Variants in EGFL6 observed in about 807,000 individuals in gnomAD.
The protein encoded by EGFL6 is epidermal growth factor-like protein 6.
Under a neutral mutation model 43.1 loss-of-function variants are expected in EGFL6, and 42 were observed. The ratio of observed to expected loss-of-function variants is 0.98; its 90% CI spans 0.76 to 1.26. EGFL6 has a LOEUF of 1.26. EGFL6 is among the 50% of genes most tolerant of loss of function. The pLI is 0.00. For synonymous variants in EGFL6, 164 were observed against 163.2 expected, an observed-to-expected ratio of 1.01 and a Z score of -0.04; for missense variants, 429 against 427.8, an observed-to-expected ratio of 1.00 and a Z score of -0.02.
At chrX:13,582,738 G>C (rs11095616) in intron 1 of EGFL6, among the ~76,000 whole-genome samples, 24,684 of 110,205 alleles carry the variant, frequency 0.22, 2,192 homozygotes, top group East Asian at 0.62. Context: ...ATGTCAAACA[G>C]TATATGAATT....
At chrX:13,586,838 A>G (rs1412939344) in intron 1 of EGFL6, among the ~76,000 whole-genome samples, 1 of 112,608 alleles carries the variant, frequency 8.9e-6, no homozygotes, top group Non-Finnish European at 1.9e-5. Context: ...ATGTCTATCA[A>G]CTGATGAGTG....
chrX:13,570,367 AG>A (rs1375806519), intron 1 of EGFL6, among the ~76,000 whole-genome samples: 1 of 111,321 alleles, frequency 9.0e-6, no homozygotes, highest in African/African-American at 3.3e-5. Context: ...AGTGCTTGTC[AG>A]TCGCTAGTTT....
intron 9 of EGFL6, 49 bp downstream of exon 9, chrX:13,619,292 C>T (rs1470330349): frequency 5.7e-6 from 6 of 1,057,566 alleles, no homozygotes; most frequent in African/African-American, 3.7e-5. Flanking sequence ...TTGTCCTGGT[C>T]GTTTTCATTT....
intron 11 of EGFL6, among the ~76,000 whole-genome samples, chrX:13,629,318 G>A (rs1262356054): frequency 8.9e-6 from 1 of 112,366 alleles, no homozygotes; most frequent in African/African-American, 3.2e-5. Flanking sequence ...CCTCTGCACA[G>A]CATTCATAAT....
chrX:13,613,416 A>C lies in EGFL6; in HGVS notation c.779-4314A>C, dbSNP rs769375026. Among the ~76,000 whole-genome samples the C allele has an allele frequency of 6.3e-5, 7 of 110,420 alleles. No individual in the cohort carries two copies. In the South Asian group the frequency reaches 1.9e-3, roughly 30 times the overall value. On this transcript the variant is annotated intron_variant, in intron 7 of 11. Transcript: ENST00000361306. ...GACAGCAGCTACACCTCATTCTAAG[A>C]AAATCAAAACCCAGATAACACTCAA...
At chrX:13,626,031 C>T (rs1361259013) in intron 10 of EGFL6, among the ~76,000 whole-genome samples, 1 of 111,539 alleles carries the variant, frequency 9.0e-6, no homozygotes, top group Admixed American at 9.5e-5. Context: ...TGACAGAAAG[C>T]GTAGCTGAAA....
At chrX:13,575,985 G>A (rs140791564) in intron 1 of EGFL6, among the ~76,000 whole-genome samples, 1,982 of 112,275 alleles carry the variant, frequency 0.018, 48 homozygotes, top group African/African-American at 0.06. Flanking sequence ...CATTTTATGG[G>A]TCCATCAGAA....
In EGFL6 at chrX:13,632,357, A is replaced by G. The variant is rs1218717730; in HGVS notation, c.1552-628A>G. On this transcript the variant is annotated intron_variant, in intron 11 of 11. Transcript: ENST00000361306. ...CACTCTGTCGCCCAGGCTGGAGTGC[A>G]GTGGCGCGATCTCGGCTCACTGCAA... 3.3e-5 allele frequency among the ~76,000 whole-genome samples: 3 copies of G among 90,315 alleles called. No homozygotes were observed. The Admixed American group carries it at 4.3e-4, about 13-fold the overall frequency. 78.4% of individuals were successfully genotyped at this position (90,315 alleles called of 115,157 possible). A position where few individuals can be genotyped will look rare whatever the true frequency, so the allele number is the denominator to read the frequency against.
At chrX:13,605,174 T>G (rs1452732867) in intron 5 of EGFL6, among the ~76,000 whole-genome samples, 1 of 111,622 alleles carries the variant, frequency 9.0e-6, no homozygotes, top group Non-Finnish European at 1.9e-5. Context: ...TGCATGAAAA[T>G]GATCACCAAA....
At chrX:13,595,132 TTTTTC>T (rs1408132014) in intron 3 of EGFL6, among the ~76,000 whole-genome samples, 1 of 111,473 alleles carries the variant, frequency 9.0e-6, no homozygotes, top group African/African-American at 3.3e-5. Context: ...TAAAAGGCCT[TTTTTC>T]TTTTCTTTTC....
At chrX:13,586,509 CT>C (rs1335766091) in intron 1 of EGFL6, among the ~76,000 whole-genome samples, 2 of 109,983 alleles carry the variant, frequency 1.8e-5, no homozygotes, top group Non-Finnish European at 3.8e-5. Context: ...TGAGGGCACT[CT>C]TGGGTTGCAG....
At position 13,580,602 on chromosome X, in the gene EGFL6, A is replaced by C. The variant is rs183726334; in HGVS notation, c.75-8954A>C. On this transcript the variant is annotated intron_variant, in intron 1 of 11. Transcript: ENST00000361306. ...CCATGTCTCAAGTCCATCTCCTTCT[A>C]TCCCCACTCTCTGCCCCTGCCTACC... Among the ~76,000 whole-genome samples, 9 of 110,957 alleles carry C rather than the reference A, an allele frequency of 8.1e-5. No homozygotes were observed. In the East Asian group the frequency reaches 2.3e-3, roughly 28 times the overall value.
intron 2 of EGFL6, among the ~76,000 whole-genome samples, chrX:13,593,780 A>C (rs778224782): frequency 5.8e-4 from 65 of 111,833 alleles, no homozygotes; most frequent in Non-Finnish European, 9.8e-4. Context: ...AGACAACTGA[A>C]TTTTTTGAGT....
chrX:13,576,303 C>A (rs2045470903), intron 1 of EGFL6, among the ~76,000 whole-genome samples: 1 of 110,586 alleles, frequency 9.0e-6, no homozygotes, highest in African/African-American at 3.3e-5. Context: ...TTTAAACAAC[C>A]AAATTTCATG....
chrX:13,632,776 A>G (rs758789686), intron 11 of EGFL6, among the ~76,000 whole-genome samples: 1 of 111,293 alleles, frequency 9.0e-6, no homozygotes, highest in Admixed American at 9.6e-5. Context: ...TTCAGAATCT[A>G]TGTGGGCTTT....
intron 9 of EGFL6, among the ~76,000 whole-genome samples, chrX:13,619,551 C>T (rs1355831356): frequency 1.8e-5 from 2 of 112,127 alleles, no homozygotes; most frequent in Non-Finnish European, 3.8e-5. Flanking sequence ...TTCAACTCTA[C>T]TGCCTGAGGA....
At chrX:13,625,400 C>T (rs1177545350) in intron 10 of EGFL6, among the ~76,000 whole-genome samples, 2 of 111,013 alleles carry the variant, frequency 1.8e-5, no homozygotes, top group Admixed American at 1.9e-4. Context: ...AGGCTGGGTG[C>T]GGTGGCTCAT....
At chrX:13,626,614 T>A (rs2370239) in intron 10 of EGFL6, among the ~76,000 whole-genome samples, 114 of 112,181 alleles carry the variant, frequency 1.0e-3, no homozygotes, top group African/African-American at 3.6e-3. Flanking sequence ...TCATCTTACA[T>A]GTCATTGACT....
intron 3 of EGFL6, 52 bp from the exon 4 acceptor site, chrX:13,599,923 G>A (rs2045622170): frequency 8.4e-7 from 1 of 1,187,948 alleles, no homozygotes; most frequent in Admixed American, 2.2e-5. Flanking sequence ...TTCCCCATCT[G>A]GAAGTTTCCT....
Sources: gnomAD v4.1 joint callset for allele counts (sites outside exome capture counted in the v4.1 genomes callset) on GRCh38, gnomAD v4.1.1 for gene constraint, MANE v1.5 for transcripts, NCBI Gene and HGNC (gene_info 2026-07-23, HGNC 2026-07-21) for gene names.